Variants in GLIS3 observed in about 807,000 individuals in gnomAD.
The protein encoded by GLIS3 is zinc finger protein GLIS3.
GLIS3 carries 53 observed loss-of-function variants against 78.6 expected under a neutral mutation model. That is an observed-to-expected ratio of 0.67 (90% CI 0.54 to 0.85). GLIS3 has a LOEUF of 0.85. Among genes scored for constraint, GLIS3 ranks in the 40% least tolerant of loss-of-function variants. The pLI, the probability that GLIS3 is intolerant of heterozygous loss-of-function variation, is 0.00. For synonymous variants in GLIS3, 684 were observed against 509.9 expected (o/e 1.34, Z -4.60); for missense variants, 1,703 against 1,231.1 (o/e 1.38, Z -5.74).
At chr9:4,363,198 G>A in the GLIS3 span, among the ~76,000 whole-genome samples, 2 of 152,144 alleles carry the variant, frequency 1.3e-5, no homozygotes, top group African/African-American at 2.4e-5. Flanking sequence ...CCAGGTGGGT[G>A]GGTCACTTGA....
intron 9 of GLIS3, among the ~76,000 whole-genome samples, chr9:3,838,863 G>A (rs1280694400): frequency 1.3e-5 from 2 of 152,152 alleles, no homozygotes; most frequent in African/African-American, 4.8e-5. Context: ...TTGACCTGCT[G>A]CCTTGGAAAA....
rs193209966 is a variant in GLIS3 at position 3,979,456 on chromosome 9, C to T, written c.1711-42267G>A. On this transcript the variant is annotated intron_variant, in intron 4 of 10. Transcript: ENST00000381971. ...CACGCTTCGAGCGAAGACCACAGCC[C>T]GTGTGCCAATGCCATTTCATTGCTC... Among the ~76,000 whole-genome samples the T allele has an allele frequency of 1.4e-4, 22 of 152,328 alleles. No homozygotes were observed. In the East Asian group the frequency reaches 3.5e-3, roughly 24 times the overall value.
intron 6 of GLIS3, among the ~76,000 whole-genome samples, chr9:3,928,597 A>G (rs1825406489): frequency 6.6e-6 from 1 of 152,238 alleles, no homozygotes; most frequent in Non-Finnish European, 1.5e-5. Flanking sequence ...GATTTCCAAA[A>G]GTTACCAGTT....
the GLIS3 span, among the ~76,000 whole-genome samples, chr9:4,420,867 G>A: frequency 6.6e-6 from 1 of 152,118 alleles, no homozygotes; most frequent in Admixed American, 6.6e-5. Flanking sequence ...ACCTGAAATT[G>A]TTATATATTT....
chr9:4,424,526 C>G, the GLIS3 span, among the ~76,000 whole-genome samples: 1 of 152,162 alleles, frequency 6.6e-6, no homozygotes, highest in Admixed American at 6.5e-5. Context: ...GCAACATTCA[C>G]TGGGAAACTG....
At chr9:4,407,694 G>C in the GLIS3 span, among the ~76,000 whole-genome samples, 1 of 152,240 alleles carries the variant, frequency 6.6e-6, no homozygotes, top group African/African-American at 2.4e-5. Flanking sequence ...AAACTATCCA[G>C]AACATTGGTC....
At chr9:4,253,273 T>C (rs1378277798) in intron 2 of GLIS3, among the ~76,000 whole-genome samples, 2 of 152,216 alleles carry the variant, frequency 1.3e-5, no homozygotes, top group Non-Finnish European at 1.5e-5. Flanking sequence ...TACAAGCCCC[T>C]GACTGGGGCT....
At chr9:4,090,767 G>A (rs1829431835) in intron 4 of GLIS3, among the ~76,000 whole-genome samples, 1 of 152,190 alleles carries the variant, frequency 6.6e-6, no homozygotes, top group Admixed American at 6.5e-5. Context: ...ACGTGAAGTG[G>A]TAAACATAGC....
At chr9:4,418,734 T>A in the GLIS3 span, among the ~76,000 whole-genome samples, 1 of 151,476 alleles carries the variant, frequency 6.6e-6, no homozygotes, top group African/African-American at 2.4e-5. Flanking sequence ...TGGAGAAAGA[T>A]GTTGATTCCA....
At chr9:3,926,394 C>A (rs1405363495) in intron 6 of GLIS3, among the ~76,000 whole-genome samples, 1 of 151,944 alleles carries the variant, frequency 6.6e-6, no homozygotes, top group Non-Finnish European at 1.5e-5. Flanking sequence ...CCACGCCTGG[C>A]TAATTTTTTG....
intron 2 of GLIS3, among the ~76,000 whole-genome samples, chr9:4,184,235 G>A (rs1242248182): frequency 6.6e-6 from 1 of 152,166 alleles, no homozygotes; most frequent in East Asian, 1.9e-4. Context: ...CACAATTGTG[G>A]ATAAACACTA....
chr9:4,398,855 A>T, the GLIS3 span, among the ~76,000 whole-genome samples: 4 of 152,022 alleles, frequency 2.6e-5, no homozygotes, highest in African/African-American at 7.3e-5. Context: ...TGCCTGGCTA[A>T]TTTTTGTATT....
intron 4 of GLIS3, among the ~76,000 whole-genome samples, chr9:4,096,263 G>A (rs140656302): frequency 6.6e-6 from 1 of 152,182 alleles, no homozygotes; most frequent in Non-Finnish European, 1.5e-5. Flanking sequence ...ACTCTGTTTA[G>A]ACTAAGGTAA....
At position 4,093,880 on chromosome 9, in the gene GLIS3, T is replaced by C. The variant is rs553047984; in HGVS notation, c.1710+23888A>G. On this transcript the variant is annotated intron_variant, in intron 4 of 10. Coordinates refer to ENST00000381971, the MANE Select transcript of GLIS3 (RefSeq NM_001042413.2). The stretch of plus-strand genomic sequence containing the variant: ...CCAGAAGGCCTTATCAATACTTCAG[T>C]AACCCTGAGGTCTCACCTTATAATA... 2.0e-5 allele frequency among the ~76,000 whole-genome samples: 3 copies of C among 152,364 alleles called. No individual in the cohort carries two copies. In the South Asian group the frequency reaches 6.2e-4, roughly 32 times the overall value.
chr9:4,450,454 C>T, the GLIS3 span, among the ~76,000 whole-genome samples: 2 of 152,076 alleles, frequency 1.3e-5, no homozygotes, highest in Admixed American at 6.6e-5. Flanking sequence ...ACATCCCCAA[C>T]CTAGCAAGAC....
rs372998442 is a variant in GLIS3 at position 4,096,698 on chromosome 9, G to A, written c.1710+21070C>T. 2.0e-4 allele frequency among the ~76,000 whole-genome samples: 31 copies of A among 152,168 alleles called. No individual in the cohort carries two copies. In the South Asian group the frequency reaches 2.1e-3, roughly 10 times the overall value. Reference sequence around the variant, plus strand: ...AGAGGGGAGAGGTAGAAATGAAGGGGGCGGAGAACAGCTTATAAACTAAAG... The same window carrying A: ...AGAGGGGAGAGGTAGAAATGAAGGGAGCGGAGAACAGCTTATAAACTAAAG... On this transcript the variant is annotated intron_variant, in intron 4 of 10. Transcript: ENST00000381971.
chr9:4,071,413 C>G (rs1258270422), intron 4 of GLIS3: 1 of 152,140 alleles, frequency 6.6e-6, no homozygotes, highest in African/African-American at 2.4e-5. Context: ...TCAATTAACT[C>G]TCCTGAAGCC....
intron 9 of GLIS3, among the ~76,000 whole-genome samples, chr9:3,832,901 A>C (rs1193960717): frequency 6.6e-6 from 1 of 152,206 alleles, no homozygotes; most frequent in Non-Finnish European, 1.5e-5. Context: ...ACAATGATAG[A>C]GACTTTCACT....
chr9:4,357,017 T>G, the GLIS3 span, among the ~76,000 whole-genome samples: 1 of 152,236 alleles, frequency 6.6e-6, no homozygotes, highest in Admixed American at 6.5e-5. Context: ...AATTGAAATC[T>G]AGCATGTATA....
Sources: allele counts gnomAD v4.1 joint callset (sites outside exome capture counted in the v4.1 genomes callset), GRCh38; gene constraint gnomAD v4.1.1; transcripts MANE v1.5; gene names NCBI Gene and HGNC (gene_info 2026-07-23, HGNC 2026-07-21).